The following RORA variants were observed in gnomAD, a reference collection of about 807,000 sequenced individuals.
RORA encodes nuclear receptor ROR-alpha.
A neutral mutation model predicts 69.5 loss-of-function variants in RORA; 7 were observed. The ratio of observed to expected loss-of-function variants is 0.10; its 90% CI spans 0.06 to 0.19. The LOEUF (loss-of-function observed/expected upper bound fraction) is 0.19. RORA is among the 10% of genes least tolerant of loss of function. The pLI is 1.00. For synonymous variants in RORA, 261 were observed against 240.8 expected, an observed-to-expected ratio of 1.08 and a Z score of -0.78; for missense variants, 457 against 663.0, an observed-to-expected ratio of 0.69 and a Z score of 3.41.
chr15:60,904,004 C>T (rs974359498), intron 1 of RORA, among the ~76,000 whole-genome samples: 4 of 152,152 alleles, frequency 2.6e-5, no homozygotes, highest in African/African-American at 9.7e-5. Flanking sequence ...GCTATGATTT[C>T]TCTGTCATTC....
chr15:61,149,809 T>C (rs2079382568), intron 1 of RORA, among the ~76,000 whole-genome samples: 1 of 152,230 alleles, frequency 6.6e-6, no homozygotes, highest in African/African-American at 2.4e-5. Context: ...GGCCAAATTA[T>C]TGGATAAGAA....
At chr15:60,592,454 G>C in intron 2 of RORA, 1 of 1,396,006 alleles carries the variant, frequency 7.2e-7, no homozygotes, top group Admixed American at 2.9e-5. Context: ...GAGAGCGGAT[G>C]GTCCGACCCC....
At chr15:60,904,317 T>G (rs1891472415) in intron 1 of RORA, among the ~76,000 whole-genome samples, 1 of 152,070 alleles carries the variant, frequency 6.6e-6, no homozygotes, top group Non-Finnish European at 1.5e-5. Flanking sequence ...CCCTCAATGG[T>G]TATTTGCATG....
intron 1 of RORA, among the ~76,000 whole-genome samples, chr15:61,114,077 C>T (rs539602392): frequency 4.6e-5 from 7 of 152,270 alleles, no homozygotes; most frequent in South Asian, 2.1e-4. Flanking sequence ...AATGTCACTC[C>T]GCAAAGTTCT....
intron 2 of RORA, among the ~76,000 whole-genome samples, chr15:60,663,695 T>C (rs1359827590): frequency 6.6e-6 from 1 of 152,200 alleles, no homozygotes; most frequent in East Asian, 1.9e-4. Context: ...CCTCAGGTGA[T>C]TCACCCACCT....
chr15:61,217,712 T>C (rs1401020378), intron 1 of RORA, among the ~76,000 whole-genome samples: 2 of 152,058 alleles, frequency 1.3e-5, no homozygotes, highest in African/African-American at 4.8e-5. Context: ...ATATGTTGAA[T>C]GAAAGAATGC....
intron 1 of RORA, among the ~76,000 whole-genome samples, chr15:60,815,547 AC>A (rs2072797491): frequency 6.6e-6 from 1 of 152,122 alleles, no homozygotes; most frequent in Non-Finnish European, 1.5e-5. Context: ...GGCCCAACTT[AC>A]AAACGTGGAA....
intron 3 of RORA, among the ~76,000 whole-genome samples, chr15:60,525,868 G>T (rs989088184): frequency 2.5e-4 from 38 of 152,126 alleles, no homozygotes; most frequent in Admixed American, 1.8e-3. Flanking sequence ...AGAAGCATGG[G>T]GGTGAGAAGG....
chr15:60,530,653 A>C (rs1283655870), intron 3 of RORA: 1 of 152,214 alleles, frequency 6.6e-6, no homozygotes, highest in Non-Finnish European at 1.5e-5. Flanking sequence ...AATTAAGGAA[A>C]TTATAAGGTT....
At chr15:61,033,681 A>G (rs1896301410) in intron 1 of RORA, among the ~76,000 whole-genome samples, 2 of 149,994 alleles carry the variant, frequency 1.3e-5, no homozygotes, top group African/African-American at 4.9e-5. Flanking sequence ...GCTTTTGCAC[A>G]TATGAAATGT....
chr15:60,987,244 T>G (rs995946245), intron 1 of RORA, among the ~76,000 whole-genome samples: 2 of 152,192 alleles, frequency 1.3e-5, no homozygotes, highest in African/African-American at 4.8e-5. Context: ...GGGCACGTCA[T>G]TCTCACCTCC....
chr15:60,908,508 C>A (rs530758713), intron 1 of RORA, among the ~76,000 whole-genome samples: 1 of 151,978 alleles, frequency 6.6e-6, no homozygotes, highest in Non-Finnish European at 1.5e-5. Flanking sequence ...CAGGGGTAGG[C>A]GGCACTATTA....
At chr15:60,505,431 T>G in intron 6 of RORA, 77 bp downstream of exon 6, 1 of 1,456,814 alleles carries the variant, frequency 6.9e-7, no homozygotes. Context: ...CTGTGTGAAC[T>G]CTTGACCAAC....
intron 1 of RORA, among the ~76,000 whole-genome samples, chr15:60,771,650 G>A (rs1178508748): frequency 6.6e-6 from 1 of 152,188 alleles, no homozygotes; most frequent in African/African-American, 2.4e-5. Flanking sequence ...TCTCCAGAAT[G>A]TTAGCACGAA....
chr15:60,879,241 T>C (rs756621182), intron 1 of RORA, among the ~76,000 whole-genome samples: 2 of 152,182 alleles, frequency 1.3e-5, no homozygotes, highest in Non-Finnish European at 2.9e-5. Flanking sequence ...GGGCCCACAG[T>C]GCTGAGTTTC....
chr15:60,819,767 A>ACACACACACACACACACACACGCG (rs2072867608), intron 1 of RORA, among the ~76,000 whole-genome samples: 35 of 147,634 alleles, frequency 2.4e-4, no homozygotes, highest in Admixed American at 2.1e-3. Context: ...ACACACACAC[A>ACACACACACACACACACACACGCG]CACACACACA....
intron 1 of RORA, among the ~76,000 whole-genome samples, chr15:61,060,535 C>T (rs550466342): frequency 3.3e-5 from 5 of 152,128 alleles, no homozygotes; most frequent in Admixed American, 6.6e-5. Flanking sequence ...GAGGAGACCC[C>T]ATCCAGGTAA....
intron 2 of RORA, among the ~76,000 whole-genome samples, chr15:60,663,620 T>A (rs1356357990): frequency 6.6e-6 from 1 of 152,190 alleles, no homozygotes; most frequent in Non-Finnish European, 1.5e-5. Context: ...CATACCCGGC[T>A]AATTTTGTGT....
At chr15:60,943,953 T>TCAAAGGG (rs1892785396) in intron 1 of RORA, among the ~76,000 whole-genome samples, 1 of 83,258 alleles carries the variant, frequency 1.2e-5, no homozygotes, top group South Asian at 3.3e-4. Flanking sequence ...GAGTAATGGG[T>TCAAAGGG]CAAAGGGGAC....
Sources: allele counts gnomAD v4.1 joint callset (sites outside exome capture counted in the v4.1 genomes callset), GRCh38; gene constraint gnomAD v4.1.1; transcripts MANE v1.5; gene names NCBI Gene and HGNC (gene_info 2026-07-23, HGNC 2026-07-21).